The following ASCC3 variants were observed in gnomAD, a reference collection of about 807,000 sequenced individuals.
ASCC3 encodes the protein activating signal cointegrator 1 complex subunit 3, also known as ASC-1 complex subunit P200.
Under a neutral mutation model 256.3 loss-of-function variants are expected in ASCC3, and 158 were observed. That is an observed-to-expected ratio of 0.62 (90% confidence interval 0.54 to 0.70). The LOEUF (loss-of-function observed/expected upper bound fraction) is 0.70. ASCC3 is among the 30% of genes least tolerant of loss of function. The pLI, the probability that ASCC3 is intolerant of heterozygous loss-of-function variation, is 0.00. For missense variants in ASCC3, 2,259 were observed against 2,626.0 expected, an observed-to-expected ratio of 0.86 and a Z score of 3.05; for synonymous variants, 948 against 883.4, an observed-to-expected ratio of 1.07 and a Z score of -1.30.
At chr6:100,705,832 T>C (rs879651473) in intron 13 of ASCC3, among the ~76,000 whole-genome samples, 4 of 152,022 alleles carry the variant, frequency 2.6e-5, no homozygotes, top group Non-Finnish European at 5.9e-5. Flanking sequence ...AACTTGATTT[T>C]CCTTAATAAA....
intron 13 of ASCC3, among the ~76,000 whole-genome samples, chr6:100,682,988 T>G (rs895716595): frequency 2.0e-5 from 3 of 152,148 alleles, no homozygotes; most frequent in Non-Finnish European, 4.4e-5. Flanking sequence ...ACTACTGAAA[T>G]GATCACAGCG....
chr6:100,637,038 T>C (rs1226515593), intron 25 of ASCC3, among the ~76,000 whole-genome samples: 1 of 151,530 alleles, frequency 6.6e-6, no homozygotes, highest in East Asian at 1.9e-4. Flanking sequence ...AACAACAGAG[T>C]TTTAATGTAT....
chr6:100,807,283 C>T lies in ASCC3; in HGVS notation c.802-1403G>A, dbSNP rs561265516. On this transcript the variant is annotated intron_variant, in intron 4 of 41. Transcript: ENST00000369162. ...AAGAAATATGAAAGTAAATATATAA[C>T]TTGTGACACCCACCCTCCCTCCCCT... is the stretch of plus-strand genomic sequence containing the variant. Among the ~76,000 whole-genome samples, 8 of 151,778 alleles carry T rather than the reference C, an allele frequency of 5.3e-5. No individual in the cohort carries two copies. The East Asian group carries it at 1.2e-3, about 22-fold the overall frequency.
At chr6:100,655,876 T>C (rs964107768) in intron 16 of ASCC3, 58 bp from the exon 17 acceptor site, 12 of 1,580,676 alleles carry the variant, frequency 7.6e-6, no homozygotes, top group Non-Finnish European at 1.0e-5. Flanking sequence ...AAACATTACA[T>C]CAAAGTCCAT....
Position 100,587,333 on chromosome 6 carries a change from A to G in ASCC3, c.5550+2301T>C, listed in dbSNP as rs554624844. Among the ~76,000 whole-genome samples the G allele has an allele frequency of 5.9e-5, 9 of 152,314 alleles. No individual in the cohort carries two copies. In the South Asian group the frequency reaches 1.9e-3, roughly 32 times the overall value. ...AAAAAAAGTCATTTAAAGAAACTTAAGAAGAAGAAGGATTTCTGGAAATTA... is the reference window on the plus strand; with the variant it reads ...AAAAAAAGTCATTTAAAGAAACTTAGGAAGAAGAAGGATTTCTGGAAATTA... On this transcript the variant is annotated intron_variant, in intron 36 of 41. Transcript: ENST00000369162.
chr6:100,653,691 T>C (rs542297045), intron 17 of ASCC3, among the ~76,000 whole-genome samples: 9 of 151,854 alleles, frequency 5.9e-5, no homozygotes, highest in Admixed American at 5.2e-4. Flanking sequence ...TATTATTATA[T>C]GCAGATGGGA....
At chr6:100,560,787 A>G (rs1372439359) in intron 36 of ASCC3, among the ~76,000 whole-genome samples, 1 of 151,134 alleles carries the variant, frequency 6.6e-6, no homozygotes, top group Non-Finnish European at 1.5e-5. Flanking sequence ...ACACACACAC[A>G]CACACGCACA....
chr6:100,871,931 T>C (rs895570990), intron 1 of ASCC3, among the ~76,000 whole-genome samples: 1 of 152,244 alleles, frequency 6.6e-6, no homozygotes, highest in African/African-American at 2.4e-5. Flanking sequence ...ACTGTACATG[T>C]CATCCATAGA....
At chr6:100,776,681 A>G (rs993823053) in intron 8 of ASCC3, among the ~76,000 whole-genome samples, 3 of 152,050 alleles carry the variant, frequency 2.0e-5, no homozygotes, top group Admixed American at 1.3e-4. Flanking sequence ...GATAGTATTT[A>G]GCTGGAAGAA....
intron 3 of ASCC3, chr6:100,857,011 CAGTT>C (rs1772979840): frequency 6.6e-6 from 1 of 152,122 alleles, no homozygotes; most frequent in African/African-American, 2.4e-5. Context: ...CACTGTCAAA[CAGTT>C]ACTCAAAGTG....
chr6:100,650,155 A>T (rs1562197986), intron 20 of ASCC3, among the ~76,000 whole-genome samples: 1 of 150,794 alleles, frequency 6.6e-6, no homozygotes, highest in Non-Finnish European at 1.5e-5. Context: ...AAAAATCTAA[A>T]AAAGTTCCAC....
chr6:100,841,740 C>A (rs1470485425), intron 4 of ASCC3, among the ~76,000 whole-genome samples: 1 of 151,696 alleles, frequency 6.6e-6, no homozygotes, highest in Non-Finnish European at 1.5e-5. Flanking sequence ...GTCTAAAAGA[C>A]AGTCATATAG....
At chr6:100,864,036 A>AC in intron 3 of ASCC3, 28 bp downstream of exon 3, 2 of 1,492,830 alleles carry the variant, frequency 1.3e-6, no homozygotes, top group Non-Finnish European at 1.8e-6. Context: ...TCTCTTTAAA[A>AC]AAAAAAAAGA....
chr6:100,767,465 C>T, intron 8 of ASCC3, 120 bp from the exon 9 acceptor site: 1 of 1,017,660 alleles, frequency 9.8e-7, no homozygotes, highest in Non-Finnish European at 1.5e-6. Flanking sequence ...TGTACTTTCA[C>T]AATGTGTCTT....
chr6:100,653,398 G>C (rs1010174644), intron 17 of ASCC3, among the ~76,000 whole-genome samples: 5 of 152,044 alleles, frequency 3.3e-5, no homozygotes, highest in Non-Finnish European at 7.4e-5. Flanking sequence ...CCAGCACTTT[G>C]GGAGGCCAAG....
At chr6:100,750,387 G>T (rs1345623047) in intron 10 of ASCC3, among the ~76,000 whole-genome samples, 1 of 151,992 alleles carries the variant, frequency 6.6e-6, no homozygotes, top group Non-Finnish European at 1.5e-5. Context: ...GAAATCTGAT[G>T]TGTCTGAATT....
Position 100,749,550 on chromosome 6 carries a change from CCA to C in ASCC3, c.1737+17013_1737+17014del, listed in dbSNP as rs573942197. 1.1e-3 allele frequency among the ~76,000 whole-genome samples: 166 copies of C among 151,892 alleles called. 1 individual carries two copies. Among genetic ancestry groups the C allele is most frequent in the Admixed American group, 2.6e-3 (39 of 15,242 alleles). On this transcript the variant is annotated intron_variant, in intron 10 of 41. Transcript: ENST00000369162. ...ATTGATTTTTAAAAGTGCTACAAAG[CCA>C]CAGTTAGAAATGTAAAACTATGCAA...
intron 8 of ASCC3, among the ~76,000 whole-genome samples, chr6:100,784,804 T>A (rs1447032567): frequency 6.6e-6 from 1 of 152,018 alleles, no homozygotes; most frequent in Admixed American, 6.6e-5. Context: ...CCTACAGAAA[T>A]CTTTTCTGTT....
chr6:100,795,733 G>GT (rs1323434285), intron 8 of ASCC3, among the ~76,000 whole-genome samples: 1 of 151,996 alleles, frequency 6.6e-6, no homozygotes, highest in Non-Finnish European at 1.5e-5. Flanking sequence ...CTTATCCAAC[G>GT]TGACAGTCAG....
Sources: allele counts gnomAD v4.1 joint callset (sites outside exome capture counted in the v4.1 genomes callset), GRCh38; gene constraint gnomAD v4.1.1; transcripts MANE v1.5; gene names NCBI Gene and HGNC (gene_info 2026-07-23, HGNC 2026-07-21).